Variants in DNAJC11 observed in about 807,000 individuals in gnomAD.
DNAJC11 encodes the protein dnaJ homolog subfamily C member 11.
A neutral mutation model predicts 78.6 loss-of-function variants in DNAJC11; 15 were observed. The ratio of observed to expected loss-of-function variants is 0.19; its 90% CI spans 0.13 to 0.29. DNAJC11 has a LOEUF of 0.29. Ranked by LOEUF, DNAJC11 falls within the 10% of genes least tolerant of loss-of-function variation. DNAJC11 has a pLI of 1.00. For synonymous variants in DNAJC11, 292 were observed against 272.1 expected (o/e 1.07, Z -0.72); for missense variants, 547 against 709.6 (o/e 0.77, Z 2.60).
At position 6,643,314 on chromosome 1, in the gene DNAJC11, T is replaced by C. The variant is rs145734996; in HGVS notation, c.1097+1244A>G. Among the ~76,000 whole-genome samples, 1,049 of 149,160 alleles carry C rather than the reference T, an allele frequency of 7.0e-3. 15 individuals are homozygous for C. Among genetic ancestry groups the C allele is most frequent in the African/African-American group, 0.024 (961 of 40,416 alleles). On this transcript the variant is annotated intron_variant, in intron 10 of 15. Transcript: ENST00000377577. ...TTTTTTGAGTGGAGTCTCGCTCTGA[T>C]GCCCAGGCTGGAGTGCAGTGGCGCC... is the stretch of plus-strand genomic sequence containing the variant.
intron 7 of DNAJC11, among the ~76,000 whole-genome samples, chr1:6,650,838 A>C (rs1195598829): frequency 6.6e-6 from 1 of 152,170 alleles, no homozygotes; most frequent in Admixed American, 6.5e-5. Context: ...ACACCACCGC[A>C]CTCCAGGCTG....
chr1:6,696,372 A>G (rs1035209342), intron 1 of DNAJC11, among the ~76,000 whole-genome samples: 20 of 152,310 alleles, frequency 1.3e-4, no homozygotes, highest in African/African-American at 4.6e-4. Context: ...AGCCTTTTAC[A>G]TGTCAATTTC....
At chr1:6,667,115 C>A (rs535524088) in intron 4 of DNAJC11, among the ~76,000 whole-genome samples, 2 of 152,318 alleles carry the variant, frequency 1.3e-5, no homozygotes, top group East Asian at 3.9e-4. Context: ...ATTTAAAGGA[C>A]TTAAACTCCA....
intron 1 of DNAJC11, among the ~76,000 whole-genome samples, chr1:6,686,994 T>C (rs537187909): frequency 3.0e-4 from 45 of 152,354 alleles, no homozygotes; most frequent in African/African-American, 1.0e-3. Context: ...TTCATTACTG[T>C]CCATATGTTC....
Position 6,634,336 on chromosome 1 carries a change from A to T in DNAJC11, c.*1339T>A, listed in dbSNP as rs969042729. 2.8e-6 allele frequency: 3 copies of T among 1,080,860 alleles called. No individual in the cohort carries two copies. The highest frequency in any genetic ancestry group is 3.2e-5 in the African/African-American group (2 of 63,100). The allele number at this position is 1,080,860 out of a possible 1,614,324, so 67.0% of individuals were successfully genotyped here. A position where few individuals can be genotyped will look rare whatever the true frequency, so the allele number is the denominator to read the frequency against. ...CCGCGGCTCGGGCCGTGGGGCCGTC[A>T]GAGAAACCTTTTTAAAAAATGGAGA... On this transcript the variant is annotated 3_prime_UTR_variant, in exon 16 of 16. Coordinates refer to ENST00000377577, the MANE Select transcript of DNAJC11 (RefSeq NM_018198.4).
intron 11 of DNAJC11, 83 bp from the exon 12 acceptor site, chr1:6,638,447 G>A (rs948018291): frequency 2.1e-5 from 29 of 1,349,894 alleles, no homozygotes; most frequent in African/African-American, 2.9e-5. Flanking sequence ...TGCTGGACCC[G>A]AGCCCAGCAA....
chr1:6,647,542 G>A (rs984057862), intron 7 of DNAJC11, among the ~76,000 whole-genome samples: 2 of 152,040 alleles, frequency 1.3e-5, no homozygotes, highest in Non-Finnish European at 2.9e-5. Flanking sequence ...CTAGTAGGCC[G>A]GGCGCGGTGG....
At chr1:6,649,745 C>T (rs555418106) in intron 7 of DNAJC11, among the ~76,000 whole-genome samples, 1 of 150,326 alleles carries the variant, frequency 6.7e-6, no homozygotes, top group Non-Finnish European at 1.5e-5. Context: ...TCTTGCTCTG[C>T]TGCTTAGGCT....
At chr1:6,673,380 A>C (rs1236644665) in intron 3 of DNAJC11, among the ~76,000 whole-genome samples, 3 of 151,942 alleles carry the variant, frequency 2.0e-5, no homozygotes, top group Non-Finnish European at 4.4e-5. Context: ...GAAGGAGGAC[A>C]GACAGGACCT....
chr1:6,696,500 C>T (rs1332311569), intron 1 of DNAJC11, among the ~76,000 whole-genome samples: 1 of 152,178 alleles, frequency 6.6e-6, no homozygotes, highest in Non-Finnish European at 1.5e-5. Context: ...ACTCTTCTAG[C>T]CCTTCCTTTC....
rs929071149 is a variant in DNAJC11 at position 6,672,732 on chromosome 1, T to C, written c.277-4922A>G. 3.3e-5 allele frequency among the ~76,000 whole-genome samples: 5 copies of C among 152,198 alleles called. No homozygotes were observed. The East Asian group carries it at 9.6e-4, about 29-fold the overall frequency. ...ATGATGCCAGAGAGGGGAACAGGAC[T>C]AAGCCAGCTGTGAGCCGCTCTTCTC... is the stretch of plus-strand genomic sequence containing the variant. On this transcript the variant is annotated intron_variant, in intron 3 of 15. Transcript: ENST00000377577.
intron 10 of DNAJC11, among the ~76,000 whole-genome samples, chr1:6,643,468 G>C (rs867084591): frequency 6.6e-6 from 1 of 151,906 alleles, no homozygotes; most frequent in Non-Finnish European, 1.5e-5. Context: ...GTAGAGACGG[G>C]GTTTCACCGT....
intron 15 of DNAJC11, 122 bp downstream of exon 15, chr1:6,635,995 C>T (rs928754489): frequency 8.1e-6 from 11 of 1,366,062 alleles, no homozygotes; most frequent in African/African-American, 5.9e-5. Context: ...GGCTAGTTGG[C>T]GTCTCTGCTC....
chr1:6,682,280 G>A (rs923090743), intron 1 of DNAJC11, among the ~76,000 whole-genome samples: 3 of 151,152 alleles, frequency 2.0e-5, no homozygotes, highest in African/African-American at 7.3e-5. Flanking sequence ...CAATTTTACT[G>A]TACTTTAGTA....
intron 11 of DNAJC11, among the ~76,000 whole-genome samples, chr1:6,639,369 A>T (rs920445499): frequency 1.9e-4 from 28 of 145,606 alleles, no homozygotes; most frequent in African/African-American, 7.2e-4. Flanking sequence ...TTGCTCTGTC[A>T]CCCAGGCTGG....
chr1:6,670,396 G>C (rs765296228), intron 3 of DNAJC11: 52 of 151,330 alleles, frequency 3.4e-4, no homozygotes, highest in African/African-American at 1.2e-3. Context: ...ATGTACCTAC[G>C]TATGTGCGCA....
intron 1 of DNAJC11, among the ~76,000 whole-genome samples, chr1:6,701,322 C>T (rs1021608762): frequency 2.0e-5 from 3 of 152,178 alleles, no homozygotes; most frequent in Non-Finnish European, 4.4e-5. Context: ...CTCAGTTCGC[C>T]ATCCTGCTGG....
intron 2 of DNAJC11, among the ~76,000 whole-genome samples, chr1:6,679,484 C>G (rs142453769): frequency 6.6e-6 from 1 of 152,312 alleles, no homozygotes; most frequent in African/African-American, 2.4e-5. Flanking sequence ...TTCTCTTCCC[C>G]CTCTGCTTCA....
chr1:6,654,135 A>G (rs1642094858), intron 4 of DNAJC11, 96 bp from the exon 5 acceptor site: 1 of 1,488,668 alleles, frequency 6.7e-7, no homozygotes. Flanking sequence ...TAATTGAACA[A>G]GTCATTTGAC....
Sources: allele counts gnomAD v4.1 joint callset (sites outside exome capture counted in the v4.1 genomes callset), GRCh38; gene constraint gnomAD v4.1.1; transcripts MANE v1.5; gene names NCBI Gene and HGNC (gene_info 2026-07-23, HGNC 2026-07-21).